Variants in POLR3B observed in about 807,000 individuals in gnomAD.
POLR3B encodes RNA polymerase III subunit B, also known as DNA-directed RNA polymerase III subunit RPC2.
A neutral mutation model predicts 147.4 loss-of-function variants in POLR3B; 96 were observed. The observed-to-expected ratio is 0.65, with a 90% confidence interval of 0.55 to 0.77. POLR3B has a LOEUF of 0.77. POLR3B is among the 30% of genes least tolerant of loss of function. The probability of loss-of-function intolerance (pLI) is 0.00; values close to 1 mark genes in which losing one functional copy is unlikely to be tolerated. For synonymous variants in POLR3B, 461 were observed against 485.9 expected (o/e 0.95, Z 0.67); for missense variants, 1,036 against 1,413.5 (o/e 0.73, Z 4.28).
chr12:106,420,565 A>G (rs1337427056), intron 12 of POLR3B, among the ~76,000 whole-genome samples: 1 of 152,178 alleles, frequency 6.6e-6, no homozygotes, highest in East Asian at 1.9e-4. Context: ...GTGCCTTCAA[A>G]AAGTTTTTAA....
intron 23 of POLR3B, among the ~76,000 whole-genome samples, chr12:106,493,370 A>T (rs528359732): frequency 1.3e-5 from 2 of 152,338 alleles, no homozygotes; most frequent in African/African-American, 4.8e-5. Context: ...GTGATTAAGG[A>T]TTTGAATAAT....
intron 10 of POLR3B, among the ~76,000 whole-genome samples, chr12:106,394,821 A>G (rs1199472894): frequency 6.6e-6 from 1 of 152,262 alleles, no homozygotes; most frequent in Non-Finnish European, 1.5e-5. Flanking sequence ...TAACTTTGAC[A>G]GTGCTCGTAC....
At chr12:106,485,891 A>G (rs1020819097) in intron 23 of POLR3B, among the ~76,000 whole-genome samples, 5 of 152,264 alleles carry the variant, frequency 3.3e-5, no homozygotes, top group Admixed American at 2.0e-4. Flanking sequence ...CTCCACATTT[A>G]TAGTATTTTA....
rs754972249 is a variant in POLR3B, at chr12:106,477,716, T to TTCGGC, written c.2713+14100_2713+14104dup. 4.6e-5 allele frequency among the ~76,000 whole-genome samples: 7 copies of TTCGGC among 152,172 alleles called. No homozygotes were observed. In the South Asian group the frequency reaches 6.2e-4, roughly 14 times the overall value. On this transcript the variant is annotated intron_variant, in intron 23 of 27. Coordinates refer to ENST00000228347, the MANE Select transcript of POLR3B (RefSeq NM_018082.6). ...CAGGTGAGGCAATGCCTCACCCTGCTTCGGCTCGCGCAGGGTACGCGCACC... is the reference window on the plus strand; with the variant it reads ...CAGGTGAGGCAATGCCTCACCCTGCTTCGGCTCGGCTCGCGCAGGGTACGCGCACC...
chr12:106,488,387 TA>T (rs1234638703), intron 23 of POLR3B, among the ~76,000 whole-genome samples: 2 of 152,236 alleles, frequency 1.3e-5, no homozygotes. Context: ...TAACCTTCTA[TA>T]CATCAAAGTT....
chr12:106,378,154 GC>G, intron 7 of POLR3B, 112 bp from the exon 8 acceptor site: 6 of 773,658 alleles, frequency 7.8e-6, no homozygotes, highest in Non-Finnish European at 1.4e-5. Context: ...GTTAGCCAGT[GC>G]CATGAAGCAG....
intron 27 of POLR3B, among the ~76,000 whole-genome samples, chr12:106,507,428 G>T (rs988852949): frequency 6.6e-6 from 1 of 152,134 alleles, no homozygotes; most frequent in Non-Finnish European, 1.5e-5. Flanking sequence ...AGATTAGCTT[G>T]GATCGGAGTC....
chr12:106,436,679 A>ACATT (rs143127900), intron 16 of POLR3B, among the ~76,000 whole-genome samples: 8 of 152,332 alleles, frequency 5.3e-5, no homozygotes, highest in African/African-American at 1.7e-4. Flanking sequence ...TTAGATTGAT[A>ACATT]CATTACACCG....
rs1225884477 is a variant in POLR3B at position 106,410,886 on chromosome 12, A to C, written c.1027A>C (p.Ile343Leu). 1 of 1,613,758 alleles carries C rather than the reference A, an allele frequency of 6.2e-7. No homozygotes were observed. Among genetic ancestry groups the C allele is most frequent in the East Asian group, 2.2e-5 (1 of 44,850 alleles). Residue 343 changes from isoleucine (I) to leucine (L), a missense_variant, in exon 12 of 28, where the codon ATT becomes CTT. This residue lies in a region of POLR3B where 217 missense variants were observed against 288.7 expected (regional missense o/e 0.75). Coordinates refer to ENST00000228347, the MANE Select transcript of POLR3B (RefSeq NM_018082.6). ...TACTGCAGTGATGGTGCGAAGAGTT[A>C]TTCTGGCCCAAGGAGATAATAAAGT... ...IYTAVMVRRV[I>L]LAQGDNKVDD...
At chr12:106,409,475 T>C (rs1379491432) in intron 11 of POLR3B, among the ~76,000 whole-genome samples, 1 of 151,568 alleles carries the variant, frequency 6.6e-6, no homozygotes, top group Non-Finnish European at 1.5e-5. Flanking sequence ...ACTTTTTCTT[T>C]TACCACATTC....
intron 23 of POLR3B, among the ~76,000 whole-genome samples, chr12:106,472,124 G>C (rs1398090827): frequency 8.0e-6 from 1 of 124,352 alleles, no homozygotes; most frequent in East Asian, 2.3e-4. Flanking sequence ...TTGGTTTTTT[G>C]TTCTTGCGAT....
At position 106,433,797 on chromosome 12, in the gene POLR3B, A is replaced by G. The variant is rs551949170; in HGVS notation, c.1706A>G (p.Asn569Ser). 9.9e-6 allele frequency: 16 copies of G among 1,613,308 alleles called. No individual in the cohort carries two copies. The South Asian group carries it at 1.8e-4, about 18-fold the overall frequency. ...FRLMRRAGYI[N>S]EFVSISTNLT... ...CTCATGAGAAGAGCAGGATATATCA[A>G]TGAATTTGTTTCCATCTCAACAAAT... The change falls in exon 16 of 28, where the codon AAT becomes AGT. Residue 569 changes from asparagine to serine, a missense_variant. Asn to Ser is a conservative substitution (Grantham distance 46). Transcript: ENST00000228347.
chr12:106,393,190 A>G (rs2036934940), intron 10 of POLR3B, 37 bp downstream of exon 10: 2 of 1,612,734 alleles, frequency 1.2e-6, no homozygotes, highest in South Asian at 1.1e-5. Flanking sequence ...TATGAAATGG[A>G]ATTGGAGACT....
At chr12:106,375,650 TC>T (rs2036667656) in intron 6 of POLR3B, among the ~76,000 whole-genome samples, 1 of 152,220 alleles carries the variant, frequency 6.6e-6, no homozygotes, top group South Asian at 2.1e-4. Context: ...GCTTAAAATT[TC>T]CATTTCTAGT....
chr12:106,398,667 C>T (rs547030148), intron 10 of POLR3B, among the ~76,000 whole-genome samples: 5 of 152,288 alleles, frequency 3.3e-5, no homozygotes, highest in African/African-American at 9.6e-5. Context: ...GCAGCATTTG[C>T]GGTTCACCAG....
chr12:106,471,186 C>T, intron 23 of POLR3B, among the ~76,000 whole-genome samples: 1 of 152,212 alleles, frequency 6.6e-6, no homozygotes, highest in East Asian at 1.9e-4. Flanking sequence ...GCCCCTGCCT[C>T]TGCCACACTC....
At chr12:106,440,458 C>G (rs2037635016) in intron 18 of POLR3B, among the ~76,000 whole-genome samples, 1 of 152,178 alleles carries the variant, frequency 6.6e-6, no homozygotes, top group African/African-American at 2.4e-5. Context: ...CCTTCCAGTT[C>G]CTGCACAATC....
At chr12:106,458,255 G>A (rs2037890043) in intron 21 of POLR3B, among the ~76,000 whole-genome samples, 1 of 151,964 alleles carries the variant, frequency 6.6e-6, no homozygotes, top group Non-Finnish European at 1.5e-5. Flanking sequence ...CTGTATAGCT[G>A]GGACCCATAG....
intron 23 of POLR3B, among the ~76,000 whole-genome samples, chr12:106,481,905 C>T (rs1028674647): frequency 5.9e-5 from 9 of 152,188 alleles, no homozygotes; most frequent in African/African-American, 2.2e-4. Flanking sequence ...CTTTTGTTTC[C>T]TGACCAGAGC....
Sources: allele counts gnomAD v4.1 joint callset (sites outside exome capture counted in the v4.1 genomes callset), GRCh38; gene constraint gnomAD v4.1.1; regional missense constraint gnomAD v4.1.1; transcripts MANE v1.5; gene names NCBI Gene and HGNC (gene_info 2026-07-23, HGNC 2026-07-21).